Variants in TLN2 observed in about 807,000 individuals in gnomAD.
TLN2 encodes the protein talin-2.
In TLN2, 118 loss-of-function variants were observed where a neutral mutation model predicts 294.7. The observed-to-expected ratio is 0.40, with a 90% CI of 0.34 to 0.47. The LOEUF is 0.47. TLN2 is among the 20% of genes least tolerant of loss of function. The pLI is 0.84. For missense variants in TLN2, 3,083 were observed against 3,282.2 expected, an observed-to-expected ratio of 0.94 and a Z score of 1.48; for synonymous variants, 1,431 against 1,304.5, an observed-to-expected ratio of 1.10 and a Z score of -2.09.
intron 3 of TLN2, among the ~76,000 whole-genome samples, chr15:62,645,976 G>GT (rs1470293264): frequency 6.6e-6 from 1 of 152,162 alleles, no homozygotes; most frequent in African/African-American, 2.4e-5. Context: ...CTTGGGTTAA[G>GT]TGAGTAGGGG....
intron 1 of TLN2, among the ~76,000 whole-genome samples, chr15:62,414,163 A>ATATATATATATATATAT (rs1555404130): frequency 8.0e-5 from 3 of 37,362 alleles, no homozygotes; most frequent in Admixed American, 9.0e-4. Context: ...AAAAAAAAAA[A>ATATATATATATATATAT]CTATATATAT....
At chr15:62,770,901 C>A in intron 41 of TLN2, 63 bp from the exon 42 acceptor site, 1 of 1,542,252 alleles carries the variant, frequency 6.5e-7, no homozygotes, top group Non-Finnish European at 8.7e-7. Flanking sequence ...GACTGTGGAG[C>A]CCCTGAAGGA....
intron 11 of TLN2, among the ~76,000 whole-genome samples, 159 bp downstream of exon 11, chr15:62,675,480 A>C (rs1212883542): frequency 1.3e-5 from 2 of 152,202 alleles, no homozygotes; most frequent in African/African-American, 2.4e-5. Flanking sequence ...CCGCACAGGC[A>C]TGAGGGGTAT....
intron 1 of TLN2, among the ~76,000 whole-genome samples, chr15:62,480,210 A>G (rs1158682857): frequency 6.6e-6 from 1 of 151,918 alleles, no homozygotes; most frequent in Non-Finnish European, 1.5e-5. Flanking sequence ...TATATATCTT[A>G]TTTGTTTATT....
rs1485449987 is a variant in TLN2, at chr15:62,719,948, A to G, written c.2991+68A>G. On this transcript the variant is annotated intron_variant, in intron 25 of 58. Transcript: ENST00000636159. The stretch of plus-strand genomic sequence containing the variant: ...TCTGGGCAGGGGCTGCCCTTTAAGG[A>G]GAGGAGTTAATGAATTCCACAGCCT... 4 of 1,225,878 alleles carry G rather than the reference A, an allele frequency of 3.3e-6. No individual in the cohort carries two copies. The African/African-American group carries it at 4.6e-5, about 14-fold the overall frequency. 75.9% of individuals were successfully genotyped at this position (1,225,878 alleles called of 1,614,324 possible).
At chr15:62,669,911 G>A (rs1436125098) in intron 9 of TLN2, among the ~76,000 whole-genome samples, 1 of 152,162 alleles carries the variant, frequency 6.6e-6, no homozygotes, top group Non-Finnish European at 1.5e-5. Flanking sequence ...CCCACAAACC[G>A]ATTCTTGAGA....
intron 9 of TLN2, among the ~76,000 whole-genome samples, chr15:62,664,822 G>T (rs1367724723): frequency 1.6e-5 from 2 of 123,726 alleles, no homozygotes; most frequent in African/African-American, 6.4e-5. Flanking sequence ...ATGCATCATT[G>T]TACTCCAGCC....
intron 1 of TLN2, among the ~76,000 whole-genome samples, chr15:62,527,998 A>G (rs758933850): frequency 2.6e-5 from 4 of 152,252 alleles, no homozygotes; most frequent in Non-Finnish European, 4.4e-5. Flanking sequence ...TCACATGAAT[A>G]TATGACTTAC....
intron 1 of TLN2, among the ~76,000 whole-genome samples, chr15:62,498,361 T>C (rs1207503467): frequency 2.0e-5 from 3 of 152,156 alleles, no homozygotes; most frequent in Non-Finnish European, 2.9e-5. Flanking sequence ...TATTCGATCC[T>C]TGAGTAGTCA....
At chr15:62,757,214 T>G (rs922582928) in intron 37 of TLN2, among the ~76,000 whole-genome samples, 4 of 152,218 alleles carry the variant, frequency 2.6e-5, no homozygotes, top group Non-Finnish European at 4.4e-5. Context: ...TGGGGCAGAA[T>G]TCAAACCCAG....
intron 1 of TLN2, among the ~76,000 whole-genome samples, chr15:62,519,561 C>A (rs2040353875): frequency 6.6e-6 from 1 of 152,174 alleles, no homozygotes; most frequent in Non-Finnish European, 1.5e-5. Context: ...ATTGAAGACT[C>A]CAGTGTTCTC....
At chr15:62,486,933 A>C (rs2038429975) in intron 1 of TLN2, among the ~76,000 whole-genome samples, 1 of 152,090 alleles carries the variant, frequency 6.6e-6, no homozygotes, top group Non-Finnish European at 1.5e-5. Context: ...GTGAGGAATA[A>C]ATTGCCTGAG....
chr15:62,711,933 G>A lies in TLN2; in HGVS notation c.2490G>A (p.Arg830=). The change falls in exon 22 of 59, where the codon CGG becomes CGA. Residue 830 remains arginine (R), a synonymous_variant. Coordinates refer to ENST00000636159, the MANE Select transcript of TLN2 (RefSeq NM_015059.3). ...GDAGEMVRQA[R]VLAQATSDLV... is the part of the protein sequence containing the mutation. ...TAGGTGAAATGGTGCGCCAGGCGCG[G>A]GTTCTGGCCCAAGCCACATCAGACC... The A allele has an allele frequency of 1.2e-6, 2 of 1,609,768 alleles. No homozygotes were observed. The highest frequency in any genetic ancestry group is 1.7e-6 in the Non-Finnish European group (2 of 1,176,444).
At chr15:62,508,301 T>C (rs1227317604) in intron 1 of TLN2, among the ~76,000 whole-genome samples, 4 of 152,064 alleles carry the variant, frequency 2.6e-5, no homozygotes, top group African/African-American at 4.8e-5. Context: ...ACTGCAACCT[T>C]CGCCTCCCGG....
At chr15:62,786,180 GT>G (rs1441519405) in intron 45 of TLN2, among the ~76,000 whole-genome samples, 1 of 152,212 alleles carries the variant, frequency 6.6e-6, no homozygotes, top group Non-Finnish European at 1.5e-5. Context: ...AAGCAATGTA[GT>G]TTTTTATTCC....
chr15:62,717,527 C>A (rs768858449), intron 23 of TLN2, 49 bp from the exon 24 acceptor site: 1 of 1,292,440 alleles, frequency 7.7e-7, no homozygotes, highest in Non-Finnish European at 1.0e-6. Flanking sequence ...GTAGAACATG[C>A]ATGTATATTG....
In TLN2 at chr15:62,566,659, T is replaced by C. The variant is rs377631399; in HGVS notation, c.-237-23028T>C. ...TTTTTTTTGAGATAGGGCCTTGCTG[T>C]GTTACCCAGGCTGGAGCGCAGTGGC... On this transcript the variant is annotated intron_variant, in intron 1 of 58. Transcript: ENST00000636159. Among the ~76,000 whole-genome samples, 161 of 149,604 alleles carry C rather than the reference T, an allele frequency of 1.1e-3. 1 individual carries two copies. The highest frequency in any genetic ancestry group is 3.6e-3 in the African/African-American group (148 of 40,586).
chr15:62,617,517 G>A (rs28419054), intron 2 of TLN2, among the ~76,000 whole-genome samples: 3,960 of 152,242 alleles, frequency 0.026, 63 homozygotes, highest in African/African-American at 0.035. Context: ...TAACAGAAGC[G>A]GGGGGTACAC....
At chr15:62,504,819 G>T (rs2039500968) in intron 1 of TLN2, among the ~76,000 whole-genome samples, 1 of 84,038 alleles carries the variant, frequency 1.2e-5, no homozygotes, top group Admixed American at 1.3e-4. Flanking sequence ...AGTTGGTGGG[G>T]TGTGTGTGTG....
Sources: allele counts gnomAD v4.1 joint callset (sites outside exome capture counted in the v4.1 genomes callset), GRCh38; gene constraint gnomAD v4.1.1; transcripts MANE v1.5; gene names NCBI Gene and HGNC (gene_info 2026-07-23, HGNC 2026-07-21).